The following GALNT13 variants were observed in gnomAD, a reference collection of about 807,000 sequenced individuals.
GALNT13 encodes the protein UDP-GalNAc:polypeptide N-acetylgalactosaminyltransferase 13.
Under a neutral mutation model 64.2 loss-of-function variants are expected in GALNT13, and 28 were observed. The observed-to-expected ratio is 0.44, with a 90% CI of 0.32 to 0.60. GALNT13 has a LOEUF of 0.60. GALNT13 is among the 20% of genes least tolerant of loss of function. The pLI, the probability that GALNT13 is intolerant of heterozygous loss-of-function variation, is 0.05. For missense variants in GALNT13, 577 were observed against 669.8 expected, an observed-to-expected ratio of 0.86 and a Z score of 1.53; for synonymous variants, 214 against 224.6, an observed-to-expected ratio of 0.95 and a Z score of 0.42.
intron 3 of GALNT13, among the ~76,000 whole-genome samples, chr2:153,944,855 T>C (rs1691598971): frequency 1.3e-5 from 2 of 152,198 alleles, no homozygotes; most frequent in African/African-American, 4.8e-5. Flanking sequence ...AGCTAACCTC[T>C]AAGATACCGT....
the GALNT13 span, among the ~76,000 whole-genome samples, chr2:153,687,495 C>T: frequency 3.9e-5 from 6 of 151,982 alleles, no homozygotes; most frequent in East Asian, 9.7e-4. Context: ...GTAATATCCT[C>T]CTTGTCATTT....
intron 8 of GALNT13, among the ~76,000 whole-genome samples, chr2:154,276,778 G>T (rs903148326): frequency 5.3e-5 from 8 of 152,152 alleles, no homozygotes; most frequent in African/African-American, 1.9e-4. Flanking sequence ...CATGGGGGTG[G>T]TTAGTTGAGT....
Position 153,983,349 on chromosome 2 carries a change from G to A in GALNT13, c.142+38710G>A, listed in dbSNP as rs759356537. Among the ~76,000 whole-genome samples the A allele has an allele frequency of 2.6e-5, 4 of 151,830 alleles. No individual in the cohort carries two copies. The South Asian group carries it at 8.3e-4, about 31-fold the overall frequency. ...ATTCAATTTTTTTATTTTAAAAAAC[G>A]TATCTCAATAGTTTCTACCTAAAAG... On this transcript the variant is annotated intron_variant, in intron 3 of 12. Coordinates refer to ENST00000392825, the MANE Select transcript of GALNT13 (RefSeq NM_052917.4).
the GALNT13 span, among the ~76,000 whole-genome samples, chr2:153,104,600 A>G: frequency 6.6e-6 from 1 of 152,132 alleles, no homozygotes; most frequent in African/African-American, 2.4e-5. Flanking sequence ...TGATTCTTAC[A>G]TATATGTAGT....
At chr2:154,375,503 A>G (rs1257148856) in intron 9 of GALNT13, among the ~76,000 whole-genome samples, 1 of 152,110 alleles carries the variant, frequency 6.6e-6, no homozygotes, top group Non-Finnish European at 1.5e-5. Flanking sequence ...AAGGAACGAT[A>G]ATGGACGGAA....
At chr2:153,148,106 A>G in the GALNT13 span, among the ~76,000 whole-genome samples, 1 of 151,908 alleles carries the variant, frequency 6.6e-6, no homozygotes, top group Non-Finnish European at 1.5e-5. Context: ...GGGAACTCTA[A>G]TAAAAGAAAA....
chr2:153,804,444 C>T, the GALNT13 span, among the ~76,000 whole-genome samples: 3 of 152,014 alleles, frequency 2.0e-5, no homozygotes, highest in African/African-American at 7.3e-5. Flanking sequence ...TCCAAAGTGT[C>T]GGGATTATAG....
chr2:153,117,511 A>G, the GALNT13 span, among the ~76,000 whole-genome samples: 1 of 152,152 alleles, frequency 6.6e-6, no homozygotes, highest in Non-Finnish European at 1.5e-5. Context: ...TCCATATAAA[A>G]CTTACTCATG....
the GALNT13 span, among the ~76,000 whole-genome samples, chr2:153,214,281 A>G: frequency 5.9e-5 from 9 of 152,290 alleles, no homozygotes; most frequent in East Asian, 1.9e-4. Flanking sequence ...AGATAAGCCA[A>G]TGAAACATTT....
chr2:153,287,175 A>T, the GALNT13 span, among the ~76,000 whole-genome samples: 1 of 152,164 alleles, frequency 6.6e-6, no homozygotes, highest in South Asian at 2.1e-4. Context: ...CAGGCACGCG[A>T]TGGGGGTGTG....
intron 11 of GALNT13, among the ~76,000 whole-genome samples, chr2:154,415,974 AT>A (rs1238217446): frequency 6.6e-6 from 1 of 152,140 alleles, no homozygotes; most frequent in African/African-American, 2.4e-5. Flanking sequence ...AAAATCTACC[AT>A]TCATTAAATG....
At chr2:154,381,009 T>C (rs1321722703) in intron 9 of GALNT13, among the ~76,000 whole-genome samples, 1 of 151,722 alleles carries the variant, frequency 6.6e-6, no homozygotes, top group Non-Finnish European at 1.5e-5. Flanking sequence ...GTAAATAGAG[T>C]TCCTGCTAAC....
the GALNT13 span, among the ~76,000 whole-genome samples, chr2:153,138,316 T>G: frequency 1.3e-5 from 2 of 152,076 alleles, no homozygotes; most frequent in African/African-American, 4.8e-5. Flanking sequence ...TTTCACTGAT[T>G]TAAAACTTCA....
At chr2:154,258,931 G>C in intron 7 of GALNT13, 90 bp from the exon 8 acceptor site, 1 of 675,972 alleles carries the variant, frequency 1.5e-6, no homozygotes, top group Non-Finnish European at 2.6e-6. Context: ...TAAATATTTA[G>C]AATGTCTCAA....
intron 9 of GALNT13, among the ~76,000 whole-genome samples, chr2:154,332,202 T>C (rs573595266): frequency 5.3e-5 from 8 of 152,204 alleles, no homozygotes; most frequent in African/African-American, 1.9e-4. Flanking sequence ...AGAAAAGAAT[T>C]GAGGTTGTCC....
chr2:153,604,188 A>G, the GALNT13 span, among the ~76,000 whole-genome samples: 3 of 152,050 alleles, frequency 2.0e-5, no homozygotes, highest in Non-Finnish European at 2.9e-5. Flanking sequence ...TATTCTGACA[A>G]CTTCTGGGGC....
the GALNT13 span, among the ~76,000 whole-genome samples, chr2:153,190,199 G>A: frequency 6.6e-6 from 1 of 151,934 alleles, no homozygotes; most frequent in Admixed American, 6.6e-5. Context: ...TTTCCCGTGT[G>A]TTTTCTTCTA....
the GALNT13 span, among the ~76,000 whole-genome samples, chr2:153,417,621 A>G: frequency 3.3e-5 from 5 of 152,160 alleles, no homozygotes; most frequent in Non-Finnish European, 7.3e-5. Flanking sequence ...AGGAGAGTCT[A>G]TGGGTGTTGT....
At chr2:153,902,051 G>A (rs1190276430) in intron 2 of GALNT13, among the ~76,000 whole-genome samples, 3 of 152,116 alleles carry the variant, frequency 2.0e-5, no homozygotes, top group East Asian at 3.9e-4. Flanking sequence ...CCACATTGAT[G>A]CTTTCCCTTT....
Sources: gnomAD v4.1 joint callset for allele counts (sites outside exome capture counted in the v4.1 genomes callset) on GRCh38, gnomAD v4.1.1 for gene constraint, MANE v1.5 for transcripts, NCBI Gene and HGNC (gene_info 2026-07-23, HGNC 2026-07-21) for gene names.